The following EXOC3L2 variants were observed in gnomAD, a reference collection of about 807,000 sequenced individuals.
The protein encoded by EXOC3L2 is exocyst complex component 3-like protein 2.
EXOC3L2 carries 17 observed loss-of-function variants against 44.4 expected under a neutral mutation model. The observed-to-expected ratio is 0.38, with a 90% CI of 0.26 to 0.57. EXOC3L2 has a LOEUF of 0.57. EXOC3L2 is among the 20% of genes least tolerant of loss of function. The pLI, the probability that EXOC3L2 is intolerant of heterozygous loss-of-function variation, is 0.65. For missense variants in EXOC3L2, 541 were observed against 588.4 expected (o/e 0.92, Z 0.83); for synonymous variants, 256 against 253.7 (o/e 1.01, Z -0.09).
Position 45,228,187 on chromosome 19 carries a change from C to T in EXOC3L2, c.1349G>A (p.Ser450Asn). Residue 450 changes from serine (S) to asparagine (N), a missense_variant, in exon 5 of 12, where the codon AGC (serine) becomes AAC (asparagine). By Grantham distance (46) the Ser-to-Asn change is conservative. Coordinates refer to ENST00000413988, the MANE Select transcript of EXOC3L2 (RefSeq NM_001382422.1). Reference protein sequence around the residue: ...HWGSLEDQPSSLAQDVCELLE... With the variant: ...HWGSLEDQPSNLAQDVCELLE... ...TACCTCACACACATCCTGGGCCAGG[C>T]TGCTGGGCTGGTCCTCCAGGCTCCC... is the stretch of plus-strand genomic sequence containing the variant. 2 of 1,614,154 alleles carry T rather than the reference C, an allele frequency of 1.2e-6. No individual in the cohort carries two copies.
intron 11 of EXOC3L2, among the ~76,000 whole-genome samples, chr19:45,215,793 C>G (rs1447004805): frequency 6.6e-6 from 1 of 152,182 alleles, no homozygotes; most frequent in Non-Finnish European, 1.5e-5. Context: ...TGCGGGCTGG[C>G]CCTTCCTGCC....
intron 11 of EXOC3L2, among the ~76,000 whole-genome samples, chr19:45,215,717 C>T (rs1969825262): frequency 6.6e-6 from 1 of 152,170 alleles, no homozygotes; most frequent in Admixed American, 6.5e-5. Flanking sequence ...CCGCCTGCGC[C>T]TGCCGCTGTC....
rs1006682540 is a variant in EXOC3L2 at position 45,224,781 on chromosome 19, C to T, written c.1716G>A (p.Leu572=). ...RVVANLLFQE[L]QPHFNKLMRR... ...CCTGGCCTCCCACCTCACTCACCTG[C>T]AGCTCCTGGAACAGCAGGTTGGCCA... Residue 572 remains leucine (L), a synonymous_variant, in exon 8 of 12, where the codon CTG becomes CTA. Coordinates refer to ENST00000413988, the MANE Select transcript of EXOC3L2 (RefSeq NM_001382422.1). The T allele has an allele frequency of 3.9e-6, 6 of 1,553,234 alleles. No individual in the cohort carries two copies. The highest frequency in any genetic ancestry group is 2.0e-5 in the Admixed American group (1 of 51,114).
chr19:45,235,720 G>A (rs145652356), intron 2 of EXOC3L2, among the ~76,000 whole-genome samples: 1 of 152,256 alleles, frequency 6.6e-6, no homozygotes, highest in African/African-American at 2.4e-5. Flanking sequence ...CGCTATTTCT[G>A]CCCATCCGTT....
intron 6 of EXOC3L2, 64 bp from the exon 7 acceptor site, chr19:45,227,836 C>G (rs1969982473): frequency 6.5e-7 from 1 of 1,549,482 alleles, no homozygotes; most frequent in African/African-American, 1.3e-5. Flanking sequence ...GGCACCCAGC[C>G]TGCCAAAGCC....
chr19:45,236,533 T>C lies in EXOC3L2; in HGVS notation c.524-1707A>G, dbSNP rs1176167700. On this transcript the variant is annotated intron_variant, in intron 2 of 11. Transcript: ENST00000413988. ...GATGAATTGTGGAAGTGAGTTGGGC[T>C]TGGGAATAGGAACATGGATGGAATT... Among the ~76,000 whole-genome samples, 4 of 147,124 alleles carry C rather than the reference T, an allele frequency of 2.7e-5. No homozygotes were observed. In the East Asian group the frequency reaches 7.9e-4, roughly 29 times the overall value.
chr19:45,240,553 G>A (rs1970123029), intron 1 of EXOC3L2, among the ~76,000 whole-genome samples: 1 of 152,082 alleles, frequency 6.6e-6, no homozygotes, highest in Non-Finnish European at 1.5e-5. Context: ...AAAGGTGATG[G>A]TTGTACAACA....
At chr19:45,241,548 C>T (rs1306611659) in intron 1 of EXOC3L2, among the ~76,000 whole-genome samples, 1 of 151,952 alleles carries the variant, frequency 6.6e-6, no homozygotes, top group Non-Finnish European at 1.5e-5. Context: ...CCTTCCATGG[C>T]TCCCTAGTAT....
intron 2 of EXOC3L2, among the ~76,000 whole-genome samples, chr19:45,235,454 C>T (rs1173794790): frequency 6.6e-6 from 1 of 151,756 alleles, no homozygotes; most frequent in African/African-American, 2.4e-5. Flanking sequence ...GAGATGGAGG[C>T]AGCCGGTGGG....
chr19:45,243,303 G>T (rs1005580345), intron 1 of EXOC3L2, among the ~76,000 whole-genome samples: 1 of 152,228 alleles, frequency 6.6e-6, no homozygotes, highest in African/African-American at 2.4e-5. Flanking sequence ...GTCAGGACAG[G>T]GTCAGGATTA....
intron 8 of EXOC3L2, among the ~76,000 whole-genome samples, chr19:45,220,609 G>T (rs1969886530): frequency 2.0e-5 from 3 of 152,126 alleles, no homozygotes; most frequent in Admixed American, 2.0e-4. Flanking sequence ...GGTGAGGGAA[G>T]CTGTGCGACC....
In EXOC3L2 at chr19:45,213,010, G is replaced by A. The variant is rs577841363; in HGVS notation, c.*59C>T. The A allele has an allele frequency of 2.4e-5, 34 of 1,422,100 alleles. No homozygotes were observed. In the East Asian group the frequency reaches 3.7e-4, roughly 15 times the overall value. 88.1% of individuals were successfully genotyped at this position (1,422,100 alleles called of 1,614,324 possible). ...CAGGGAGTCAGGAGGGGCGCCGTAC[G>A]GGAGGTTGGCTTGTCAGCAGCATAG... is the stretch of plus-strand genomic sequence containing the variant. On this transcript the variant is annotated 3_prime_UTR_variant, in exon 12 of 12. Transcript: ENST00000413988.
At chr19:45,235,161 C>T (rs1022418605) in intron 2 of EXOC3L2, among the ~76,000 whole-genome samples, 1 of 152,016 alleles carries the variant, frequency 6.6e-6, no homozygotes, top group Admixed American at 6.6e-5. Flanking sequence ...ATTAGCCAGG[C>T]GTAGTGGCGT....
chr19:45,221,052 G>T (rs925863325), intron 8 of EXOC3L2, among the ~76,000 whole-genome samples: 2 of 151,446 alleles, frequency 1.3e-5, no homozygotes, highest in African/African-American at 4.9e-5. Flanking sequence ...GGAGGGTCGG[G>T]GGAGAGGCTG....
rs545279176 is a variant in EXOC3L2, at chr19:45,213,317, G to C, written c.2161C>G (p.Arg721Gly). The change falls in exon 12 of 12, where the codon CGC becomes GGC. Residue 721 changes from arginine (R) to glycine (G), a missense_variant. By Grantham distance (125) the Arg-to-Gly change is moderately radical. Coordinates refer to ENST00000413988, the MANE Select transcript of EXOC3L2 (RefSeq NM_001382422.1). ...ATCTCCTGGCGGGCGGCTGTGTTGC[G>C]CAGGCCACGGATGTCGAGGAGGGCT... ...VAALLDIRGL[R>G]NTAARQEILA... 1 of 1,613,694 alleles carries C rather than the reference G, an allele frequency of 6.2e-7. No individual in the cohort carries two copies. Among genetic ancestry groups the C allele is most frequent in the East Asian group, 2.2e-5 (1 of 44,844 alleles).
intron 1 of EXOC3L2, among the ~76,000 whole-genome samples, chr19:45,240,493 A>G (rs1970122449): frequency 6.6e-6 from 1 of 152,120 alleles, no homozygotes. Flanking sequence ...GTGGCTGCTA[A>G]TGGATGCAGG....
At chr19:45,221,768 C>CT (rs1167902332) in intron 8 of EXOC3L2, among the ~76,000 whole-genome samples, 1 of 151,696 alleles carries the variant, frequency 6.6e-6, no homozygotes, top group African/African-American at 2.4e-5. Flanking sequence ...CCACTTCAGC[C>CT]TCCCAAGTAC....
At chr19:45,231,586 C>A (rs1253965665) in intron 4 of EXOC3L2, among the ~76,000 whole-genome samples, 177 bp downstream of exon 4, 1 of 152,026 alleles carries the variant, frequency 6.6e-6, no homozygotes, top group Non-Finnish European at 1.5e-5. Context: ...TGAACCTTTA[C>A]CAAGTGTCTC....
intron 11 of EXOC3L2, among the ~76,000 whole-genome samples, chr19:45,215,722 G>A (rs59460046): frequency 8.5e-5 from 13 of 152,108 alleles, no homozygotes; most frequent in Non-Finnish European, 1.8e-4. Context: ...TGCGCCTGCC[G>A]CTGTCCCAGT....
Sources: allele counts gnomAD v4.1 joint callset (sites outside exome capture counted in the v4.1 genomes callset), GRCh38; gene constraint gnomAD v4.1.1; transcripts MANE v1.5; gene names NCBI Gene and HGNC (gene_info 2026-07-23, HGNC 2026-07-21).